The following PDGFC variants were observed in gnomAD, a reference collection of about 807,000 sequenced individuals.
The protein encoded by PDGFC is platelet derived growth factor C.
A neutral mutation model predicts 35.5 loss-of-function variants in PDGFC; 12 were observed. That is an observed-to-expected ratio of 0.34 (90% CI 0.22 to 0.55). The LOEUF is 0.55. PDGFC is among the 20% of genes least tolerant of loss of function. The pLI is 0.91. For synonymous variants in PDGFC, 159 were observed against 148.8 expected (o/e 1.07, Z -0.50); for missense variants, 322 against 412.4 (o/e 0.78, Z 1.90).
chr4:156,760,822 T>C lies in PDGFC; in HGVS notation c.*2268A>G, dbSNP rs1560799670. ...AGGGAAAATATATTTCGTTCAAAGA[T>C]GGGAAACAATGGATTAAACACAGTT... On this transcript the variant is annotated 3_prime_UTR_variant, in exon 6 of 6. Coordinates refer to ENST00000502773, the MANE Select transcript of PDGFC (RefSeq NM_016205.3). 2.6e-5 allele frequency: 4 copies of C among 152,088 alleles called. No homozygotes were observed. The highest frequency in any genetic ancestry group is 1.3e-4 in the Admixed American group (2 of 15,258). 9.4% of individuals were successfully genotyped at this position (152,088 alleles called of 1,614,324 possible). A position where few individuals can be genotyped will look rare whatever the true frequency, so the allele number is the denominator to read the frequency against.
At chr4:156,868,475 T>C (rs1729900285) in intron 1 of PDGFC, among the ~76,000 whole-genome samples, 1 of 152,136 alleles carries the variant, frequency 6.6e-6, no homozygotes, top group Non-Finnish European at 1.5e-5. Context: ...GTACATCTGG[T>C]AGAAGATCAA....
At position 156,866,624 on chromosome 4, in the gene PDGFC, A is replaced by G. The variant is rs141738443; in HGVS notation, c.119-16208T>C. Among the ~76,000 whole-genome samples, 495 of 152,204 alleles carry G rather than the reference A, an allele frequency of 3.3e-3. 4 individuals carry two copies. Among genetic ancestry groups the G allele is most frequent in the African/African-American group, 0.012 (479 of 41,548 alleles). ...CTACATTATTGTAACTATTGCCCCAATTGGTACATTAAGTGTCATTTCATC... is the reference window on the plus strand; with the variant it reads ...CTACATTATTGTAACTATTGCCCCAGTTGGTACATTAAGTGTCATTTCATC... On this transcript the variant is annotated intron_variant, in intron 1 of 5. Coordinates refer to ENST00000502773, the MANE Select transcript of PDGFC (RefSeq NM_016205.3).
intron 3 of PDGFC, 26 bp from the exon 4 acceptor site, chr4:156,772,919 A>T (rs1730727972): frequency 6.6e-7 from 1 of 1,525,926 alleles, no homozygotes; most frequent in Non-Finnish European, 9.1e-7. Context: ...ATCCTGTGTT[A>T]ACTGTTTTAA....
intron 1 of PDGFC, among the ~76,000 whole-genome samples, chr4:156,930,217 C>G (rs1430993874): frequency 6.6e-6 from 1 of 152,166 alleles, no homozygotes; most frequent in Non-Finnish European, 1.5e-5. Context: ...TCACAAAATC[C>G]TATATAGTTT....
chr4:156,875,119 C>A (rs1325595482), intron 1 of PDGFC, among the ~76,000 whole-genome samples: 2 of 151,956 alleles, frequency 1.3e-5, no homozygotes, highest in Non-Finnish European at 2.9e-5. Context: ...GGAAAAAAAG[C>A]AAAAATAATT....
chr4:156,898,378 C>T (rs1202821754), intron 1 of PDGFC, among the ~76,000 whole-genome samples: 1 of 152,118 alleles, frequency 6.6e-6, no homozygotes, highest in African/African-American at 2.4e-5. Flanking sequence ...AAGTTAAACA[C>T]ACTATTGGAA....
At chr4:156,858,655 T>C (rs1729639627) in intron 1 of PDGFC, among the ~76,000 whole-genome samples, 2 of 152,120 alleles carry the variant, frequency 1.3e-5, no homozygotes, top group Admixed American at 1.3e-4. Context: ...AACTCTCTTA[T>C]TGAATTAAAA....
At chr4:156,860,733 A>C (rs1290822505) in intron 1 of PDGFC, among the ~76,000 whole-genome samples, 7 of 152,156 alleles carry the variant, frequency 4.6e-5, no homozygotes, top group African/African-American at 1.4e-4. Context: ...TTAAAATATG[A>C]AACTATTTAA....
At chr4:156,864,755 G>C (rs1729794321) in intron 1 of PDGFC, among the ~76,000 whole-genome samples, 1 of 152,070 alleles carries the variant, frequency 6.6e-6, no homozygotes, top group East Asian at 1.9e-4. Context: ...AGAAAGTTTT[G>C]AGACAAAAAC....
chr4:156,825,593 T>TAATATGAAGAAG (rs1267062505), intron 2 of PDGFC, among the ~76,000 whole-genome samples: 1 of 62,186 alleles, frequency 1.6e-5, no homozygotes, highest in Non-Finnish European at 2.8e-5. Flanking sequence ...ATAATAATAA[T>TAATATGAAGAAG]AAGAAGAAGA....
At chr4:156,937,716 A>C (rs1188798587) in intron 1 of PDGFC, among the ~76,000 whole-genome samples, 1 of 152,186 alleles carries the variant, frequency 6.6e-6, no homozygotes, top group Non-Finnish European at 1.5e-5. Context: ...TAAATAAGAA[A>C]GGCATATTCA....
intron 1 of PDGFC, among the ~76,000 whole-genome samples, chr4:156,915,959 AAT>A (rs1433970732): frequency 6.6e-6 from 1 of 152,058 alleles, no homozygotes; most frequent in Non-Finnish European, 1.5e-5. Flanking sequence ...GTAGAAAATG[AAT>A]TCCAAGTTTC....
intron 1 of PDGFC, among the ~76,000 whole-genome samples, chr4:156,909,577 G>T (rs770272505): frequency 3.3e-5 from 5 of 152,124 alleles, no homozygotes; most frequent in African/African-American, 1.2e-4. Context: ...AAATAGGAAA[G>T]ATATAAAACA....
intron 3 of PDGFC, among the ~76,000 whole-genome samples, chr4:156,792,133 G>C (rs1731315268): frequency 6.6e-6 from 1 of 152,176 alleles, no homozygotes; most frequent in South Asian, 2.1e-4. Flanking sequence ...AATGTGACCA[G>C]TGAACTGAAA....
At chr4:156,939,728 A>C (rs1219577597) in intron 1 of PDGFC, among the ~76,000 whole-genome samples, 1 of 152,118 alleles carries the variant, frequency 6.6e-6, no homozygotes, top group Non-Finnish European at 1.5e-5. Flanking sequence ...AAGAAGTGTT[A>C]ATTGATTTCT....
chr4:156,781,398 T>C (rs909037262), intron 3 of PDGFC, among the ~76,000 whole-genome samples: 6 of 152,208 alleles, frequency 3.9e-5, no homozygotes, highest in African/African-American at 1.4e-4. Context: ...CTACAACAAA[T>C]GGTCAATAGA....
At chr4:156,775,414 T>C (rs1224289030) in intron 3 of PDGFC, among the ~76,000 whole-genome samples, 1 of 152,198 alleles carries the variant, frequency 6.6e-6, no homozygotes, top group Non-Finnish European at 1.5e-5. Context: ...AGCAAGTTAA[T>C]ACAAAAAGTA....
intron 2 of PDGFC, among the ~76,000 whole-genome samples, chr4:156,826,174 ATTTTTTTTTTTTTTTT>A (rs59421806): frequency 2.5e-4 from 11 of 43,768 alleles, no homozygotes; most frequent in East Asian, 6.1e-4. Context: ...TTTGAGTTGG[ATTTTTTTTTTTTTTTT>A]TTTTTTTTTT....
At chr4:156,777,924 T>C (rs964515570) in intron 3 of PDGFC, among the ~76,000 whole-genome samples, 1 of 151,896 alleles carries the variant, frequency 6.6e-6, no homozygotes, top group African/African-American at 2.4e-5. Flanking sequence ...GCCAACATAG[T>C]GAAACCCCAT....
Sources: allele counts gnomAD v4.1 joint callset (sites outside exome capture counted in the v4.1 genomes callset), GRCh38; gene constraint gnomAD v4.1.1; transcripts MANE v1.5; gene names NCBI Gene and HGNC (gene_info 2026-07-23, HGNC 2026-07-21).